PID1: variants seen among roughly 807,000 people sequenced by gnomAD.
PID1 encodes phosphotyrosine interaction domain containing 1.
In PID1, 10 loss-of-function variants were observed where a neutral mutation model predicts 19.1. The ratio of observed to expected loss-of-function variants is 0.52; its 90% CI spans 0.32 to 0.89. The LOEUF is 0.89. Ranked by LOEUF, PID1 falls within the 40% of genes least tolerant of loss-of-function variation. PID1 has a pLI of 0.03. For missense variants in PID1, 248 were observed against 285.3 expected (o/e 0.87, Z 0.94); for synonymous variants, 130 against 116.0 (o/e 1.12, Z -0.78).
chr2:229,043,029 G>A (rs1177558444), intron 2 of PID1, among the ~76,000 whole-genome samples: 1 of 146,116 alleles, frequency 6.8e-6, no homozygotes, highest in Non-Finnish European at 1.5e-5. Flanking sequence ...TTTTTGAGAT[G>A]GAGTCTTGTT....
chr2:229,039,981 C>T (rs772460032), intron 2 of PID1, among the ~76,000 whole-genome samples: 6 of 152,162 alleles, frequency 3.9e-5, no homozygotes, highest in Middle Eastern at 3.4e-3. Flanking sequence ...ATACATAAAA[C>T]AATCTAAATG....
chr2:229,047,074 GTAGTCACCA>G, intron 2 of PID1, among the ~76,000 whole-genome samples: 1 of 152,324 alleles, frequency 6.6e-6, no homozygotes, highest in East Asian at 1.9e-4. Flanking sequence ...CACAAAGCCT[GTAGTCACCA>G]TTTAACACCA....
chr2:229,102,098 G>A (rs1173957438), intron 2 of PID1, among the ~76,000 whole-genome samples: 2 of 152,028 alleles, frequency 1.3e-5, no homozygotes, highest in Admixed American at 1.3e-4. Flanking sequence ...GAAGCAGGGG[G>A]CCAGGCAAGG....
intron 2 of PID1, among the ~76,000 whole-genome samples, chr2:229,068,032 C>T (rs939870487): frequency 1.3e-5 from 2 of 152,226 alleles, no homozygotes; most frequent in African/African-American, 4.8e-5. Flanking sequence ...TCTGTCTGCA[C>T]TCAGTACATT....
intron 2 of PID1, among the ~76,000 whole-genome samples, chr2:229,115,438 T>G (rs894081515): frequency 1.5e-5 from 2 of 132,128 alleles, no homozygotes; most frequent in Non-Finnish European, 3.3e-5. Context: ...GAAAAAGAAA[T>G]AAAGGAAAAA....
chr2:229,233,074 T>C (rs144799669), intron 1 of PID1, among the ~76,000 whole-genome samples: 18 of 152,218 alleles, frequency 1.2e-4, no homozygotes, highest in African/African-American at 4.3e-4. Context: ...GAGACTCTTA[T>C]TAGCAGAAAG....
rs7574572 is a variant in PID1 at position 229,197,579 on chromosome 2, C to T, written c.31-41615G>A. Among the ~76,000 whole-genome samples, 973 of 151,894 alleles carry T rather than the reference C, an allele frequency of 6.4e-3. 13 individuals are homozygous for T. The highest frequency in any genetic ancestry group is 0.022 in the African/African-American group (929 of 41,440). On this transcript the variant is annotated intron_variant, in intron 1 of 2. Coordinates refer to ENST00000392055, the MANE Select transcript of PID1 (RefSeq NM_001100818.2). ...AGATAAAAACAAAATTTTTATCATA[C>T]GCTTCAAATGCAGCATAATTATATT...
Position 229,207,070 on chromosome 2 carries a change from T to C in PID1, c.31-51106A>G, listed in dbSNP as rs186127748. 1.4e-4 allele frequency among the ~76,000 whole-genome samples: 21 copies of C among 152,196 alleles called. No individual in the cohort carries two copies. The East Asian group carries it at 4.1e-3, about 30-fold the overall frequency. The stretch of plus-strand genomic sequence containing the variant: ...CCAATAGCTTGGGTCTCTATAAGCA[T>C]AAAATGGAAGCCTCCTCTTCTGTTC... On this transcript the variant is annotated intron_variant, in intron 1 of 2. Coordinates refer to ENST00000392055, the MANE Select transcript of PID1 (RefSeq NM_001100818.2).
intron 1 of PID1, chr2:229,228,015 A>G (rs1167129328): frequency 2.2e-6 from 1 of 455,990 alleles, no homozygotes; most frequent in East Asian, 6.9e-5. Context: ...TCGATTCCCC[A>G]GGGATACTGA....
intron 1 of PID1, among the ~76,000 whole-genome samples, chr2:229,160,894 G>A (rs4973166): frequency 0.61 from 93,030 of 151,910 alleles, 29,236 homozygotes; most frequent in East Asian, 0.88. Flanking sequence ...TGGCTCTGGT[G>A]CATTTTTGGT....
intron 2 of PID1, among the ~76,000 whole-genome samples, chr2:229,124,142 T>C (rs570863450): frequency 6.6e-6 from 1 of 152,302 alleles, no homozygotes; most frequent in South Asian, 2.1e-4. Context: ...GAATGAAATG[T>C]TTACTCTTCA....
chr2:229,244,328 C>T (rs1559300769), intron 1 of PID1, among the ~76,000 whole-genome samples: 1 of 151,968 alleles, frequency 6.6e-6, no homozygotes, highest in Admixed American at 6.6e-5. Flanking sequence ...ACCAAGTATC[C>T]CTGATTCTTA....
At chr2:229,139,699 T>C (rs560243454) in intron 2 of PID1, among the ~76,000 whole-genome samples, 1 of 152,288 alleles carries the variant, frequency 6.6e-6, no homozygotes, top group South Asian at 2.1e-4. Context: ...TCTCAGACCG[T>C]GGCCAAAGCT....
At chr2:229,244,951 A>T (rs1192957636) in intron 1 of PID1, 1 of 151,984 alleles carries the variant, frequency 6.6e-6, no homozygotes. Flanking sequence ...GAACTTCAAA[A>T]CTCCATAAGC....
chr2:229,152,789 G>A (rs1334193182), intron 2 of PID1, among the ~76,000 whole-genome samples: 3 of 152,098 alleles, frequency 2.0e-5, no homozygotes, highest in African/African-American at 7.2e-5. Flanking sequence ...TGGGAAATCT[G>A]AGATGAGCTA....
chr2:229,098,636 G>A (rs1039809356), intron 2 of PID1, among the ~76,000 whole-genome samples: 1 of 152,116 alleles, frequency 6.6e-6, no homozygotes, highest in East Asian at 1.9e-4. Context: ...TATTTAATAT[G>A]TGAGAGTGCT....
chr2:229,103,701 C>T (rs915159760), intron 2 of PID1, among the ~76,000 whole-genome samples: 1 of 151,636 alleles, frequency 6.6e-6, no homozygotes, highest in Non-Finnish European at 1.5e-5. Flanking sequence ...CTCAGCCTCC[C>T]GAATAGCTGG....
At chr2:229,105,739 A>T (rs9808116) in intron 2 of PID1, among the ~76,000 whole-genome samples, 51,947 of 152,148 alleles carry the variant, frequency 0.34, 10,250 homozygotes, top group Middle Eastern at 0.52. Flanking sequence ...AGACCCAGGG[A>T]AGTCCAGTAA....
At chr2:229,224,139 T>G (rs535778704) in intron 1 of PID1, among the ~76,000 whole-genome samples, 2 of 152,228 alleles carry the variant, frequency 1.3e-5, no homozygotes, top group Non-Finnish European at 2.9e-5. Context: ...CTATGTAGTA[T>G]TCCAAGGTCA....
Sources: gnomAD v4.1 joint callset for allele counts (sites outside exome capture counted in the v4.1 genomes callset) on GRCh38, gnomAD v4.1.1 for gene constraint, MANE v1.5 for transcripts, NCBI Gene and HGNC (gene_info 2026-07-23, HGNC 2026-07-21) for gene names.